The following KANSL1L variants were observed in gnomAD, a reference collection of about 807,000 sequenced individuals.
KANSL1L encodes KAT8 regulatory NSL complex subunit 1-like protein.
In KANSL1L, 25 loss-of-function variants were observed where a neutral mutation model predicts 108.6. The observed-to-expected ratio is 0.23, with a 90% confidence interval of 0.17 to 0.32. The LOEUF (loss-of-function observed/expected upper bound fraction) is 0.32. Among genes scored for constraint, KANSL1L ranks in the 10% least tolerant of loss-of-function variants. The pLI, the probability that KANSL1L is intolerant of heterozygous loss-of-function variation, is 1.00. For synonymous variants in KANSL1L, 405 were observed against 395.1 expected (o/e 1.03, Z -0.30); for missense variants, 1,137 against 1,125.7 (o/e 1.01, Z -0.14).
chr2:210,156,130 G>A (rs1224418926), intron 1 of KANSL1L, among the ~76,000 whole-genome samples: 3 of 152,104 alleles, frequency 2.0e-5, no homozygotes, highest in African/African-American at 7.2e-5. Flanking sequence ...GAGCAGTCAG[G>A]TACTTCACAG....
chr2:210,087,922 A>T (rs1023748641), intron 5 of KANSL1L, among the ~76,000 whole-genome samples: 10 of 152,196 alleles, frequency 6.6e-5, no homozygotes, highest in African/African-American at 2.4e-4. Context: ...TTTTCTTCAT[A>T]GCACTTGATC....
intron 6 of KANSL1L, among the ~76,000 whole-genome samples, chr2:210,047,129 T>C (rs1020525384): frequency 4.9e-5 from 6 of 123,162 alleles, no homozygotes; most frequent in Admixed American, 1.7e-4. Flanking sequence ...GAATATCTCC[T>C]GGCTTCTGTA....
intron 7 of KANSL1L, among the ~76,000 whole-genome samples, chr2:210,043,211 C>A (rs1051945376): frequency 6.6e-6 from 1 of 151,784 alleles, no homozygotes; most frequent in African/African-American, 2.4e-5. Flanking sequence ...TATAGTGAGA[C>A]CCCATCTCTA....
At chr2:210,119,792 T>C (rs2094996606) in intron 3 of KANSL1L, among the ~76,000 whole-genome samples, 1 of 152,170 alleles carries the variant, frequency 6.6e-6, no homozygotes, top group African/African-American at 2.4e-5. Context: ...TTTACCACTG[T>C]CATTCAATAT....
chr2:210,058,192 C>T (rs1056950607), intron 6 of KANSL1L, among the ~76,000 whole-genome samples: 25 of 152,200 alleles, frequency 1.6e-4, no homozygotes, highest in Admixed American at 9.2e-4. Context: ...CTGAAATGGC[C>T]GCTTCAGGGG....
chr2:210,139,591 T>C (rs2095208709), intron 2 of KANSL1L, among the ~76,000 whole-genome samples: 1 of 152,238 alleles, frequency 6.6e-6, no homozygotes, highest in Admixed American at 6.5e-5. Context: ...GTAATAGCCA[T>C]TTTAACAGGT....
chr2:210,033,378 C>T (rs921581756), intron 8 of KANSL1L, among the ~76,000 whole-genome samples: 1 of 152,122 alleles, frequency 6.6e-6, no homozygotes, highest in African/African-American at 2.4e-5. Flanking sequence ...TGTGTTAAAA[C>T]GTGTGTAGGT....
At chr2:210,105,374 A>AT (rs1553662387) in intron 3 of KANSL1L, among the ~76,000 whole-genome samples, 8 of 145,460 alleles carry the variant, frequency 5.5e-5, no homozygotes, top group Non-Finnish European at 1.0e-4. Flanking sequence ...TTTGAAAAAA[A>AT]ATATATATAT....
intron 3 of KANSL1L, among the ~76,000 whole-genome samples, chr2:210,114,491 C>T (rs950393702): frequency 2.0e-5 from 3 of 151,886 alleles, no homozygotes; most frequent in African/African-American, 2.4e-5. Context: ...AAATGAAAGA[C>T]GTAGATAGTA....
intron 6 of KANSL1L, among the ~76,000 whole-genome samples, chr2:210,056,995 C>T (rs924554044): frequency 2.6e-5 from 4 of 152,100 alleles, no homozygotes; most frequent in Non-Finnish European, 4.4e-5. Flanking sequence ...GAAATTTCCC[C>T]TTTGCTGTAA....
At chr2:210,023,998 G>A in intron 14 of KANSL1L, 35 bp downstream of exon 14, 1 of 1,412,030 alleles carries the variant, frequency 7.1e-7, no homozygotes, top group Non-Finnish European at 9.5e-7. Flanking sequence ...TAAAAGTCAA[G>A]GAATGGGAAG....
chr2:210,147,458 A>C (rs1242634485), intron 2 of KANSL1L, among the ~76,000 whole-genome samples: 2 of 152,218 alleles, frequency 1.3e-5, no homozygotes, highest in South Asian at 2.1e-4. Context: ...TTCCCTAAAA[A>C]TAAAAATAAA....
intron 1 of KANSL1L, among the ~76,000 whole-genome samples, chr2:210,165,682 T>C (rs1396934229): frequency 6.6e-6 from 1 of 152,220 alleles, no homozygotes; most frequent in East Asian, 1.9e-4. Flanking sequence ...ACTGTAAAGT[T>C]AAATCTATAC....
At chr2:210,107,674 G>A (rs990135909) in intron 3 of KANSL1L, among the ~76,000 whole-genome samples, 1 of 151,662 alleles carries the variant, frequency 6.6e-6, no homozygotes, top group Admixed American at 6.6e-5. Flanking sequence ...GACTACAGGT[G>A]CCCGCCACCA....
At chr2:210,146,903 G>A (rs935601781) in intron 2 of KANSL1L, among the ~76,000 whole-genome samples, 10 of 151,230 alleles carry the variant, frequency 6.6e-5, no homozygotes, top group Admixed American at 2.6e-4. Flanking sequence ...TTTTCGTTAC[G>A]TGGATGTTGA....
At chr2:210,103,226 C>A (rs2094812470) in intron 4 of KANSL1L, among the ~76,000 whole-genome samples, 1 of 150,988 alleles carries the variant, frequency 6.6e-6, no homozygotes, top group Non-Finnish European at 1.5e-5. Context: ...GACGAAAAAC[C>A]AAACACCGCA....
At chr2:210,120,670 TCTGC>T (rs2095007881) in intron 3 of KANSL1L, among the ~76,000 whole-genome samples, 1 of 152,128 alleles carries the variant, frequency 6.6e-6, no homozygotes, top group African/African-American at 2.4e-5. Context: ...CTAGAGAGTT[TCTGC>T]ACAGAGAAAG....
chr2:210,035,297 A>G (rs1005952307), intron 8 of KANSL1L: 4 of 152,172 alleles, frequency 2.6e-5, no homozygotes, highest in Admixed American at 1.3e-4. Flanking sequence ...TGATTAAACT[A>G]GTCATCCATT....
intron 6 of KANSL1L, among the ~76,000 whole-genome samples, chr2:210,052,325 CTTTT>C (rs760173513): frequency 1.3e-5 from 2 of 151,382 alleles, no homozygotes; most frequent in African/African-American, 4.9e-5. Context: ...TCTAAAGGCA[CTTTT>C]TTTTTGTTTG....
Sources: allele counts gnomAD v4.1 joint callset (sites outside exome capture counted in the v4.1 genomes callset), GRCh38; gene constraint gnomAD v4.1.1; transcripts MANE v1.5; gene names NCBI Gene and HGNC (gene_info 2026-07-23, HGNC 2026-07-21).